The following MAML2 variants were observed in gnomAD, a reference collection of about 807,000 sequenced individuals.
The protein encoded by MAML2 is mastermind-like protein 2.
In MAML2, 22 loss-of-function variants were observed where a neutral mutation model predicts 96.1. The ratio of observed to expected loss-of-function variants is 0.23; its 90% confidence interval spans 0.16 to 0.33. The LOEUF (loss-of-function observed/expected upper bound fraction) is 0.33. Among genes scored for constraint, MAML2 ranks in the 10% least tolerant of loss-of-function variants. MAML2 has a pLI of 1.00. For synonymous variants in MAML2, 561 were observed against 521.3 expected, an observed-to-expected ratio of 1.08 and a Z score of -1.04; for missense variants, 1,367 against 1,392.4, an observed-to-expected ratio of 0.98 and a Z score of 0.29.
chr11:96,332,434 T>A (rs1171258340), intron 1 of MAML2, among the ~76,000 whole-genome samples: 5 of 152,214 alleles, frequency 3.3e-5, no homozygotes, highest in Non-Finnish European at 5.9e-5. Context: ...TCTGGGGGAC[T>A]GAGCCTGCAA....
At chr11:96,095,452 A>G (rs1294125221) in intron 1 of MAML2, among the ~76,000 whole-genome samples, 1 of 152,216 alleles carries the variant, frequency 6.6e-6, no homozygotes, top group Non-Finnish European at 1.5e-5. Context: ...TAATCAGAGA[A>G]AGGAACCTGA....
intron 1 of MAML2, among the ~76,000 whole-genome samples, chr11:96,212,145 GTGTGT>G (rs1591075479): frequency 7.4e-5 from 11 of 147,998 alleles, no homozygotes; most frequent in East Asian, 3.9e-4. Flanking sequence ...GTGTGTGTGT[GTGTGT>G]GGAAGGGGGA....
chr11:96,028,328 G>A lies in MAML2; in HGVS notation c.2140-36605C>T, dbSNP rs147974829. ...TTCTCTCTTATAAGCATTTTACCAC[G>A]TTTTCCTCATTTCTGCACCTGGCTA... On this transcript the variant is annotated intron_variant, in intron 2 of 4. Coordinates refer to ENST00000524717, the MANE Select transcript of MAML2 (RefSeq NM_032427.4). Among the ~76,000 whole-genome samples the A allele has an allele frequency of 6.4e-4, 98 of 152,192 alleles. No individual in the cohort carries two copies. The Middle Eastern group carries it at 0.031, about 48-fold the overall frequency.
At chr11:96,182,979 G>C (rs1003066965) in intron 1 of MAML2, among the ~76,000 whole-genome samples, 13 of 117,970 alleles carry the variant, frequency 1.1e-4, no homozygotes, top group African/African-American at 4.2e-4. Flanking sequence ...TTTTTTTTGA[G>C]ACAGAGTCTT....
intron 1 of MAML2, among the ~76,000 whole-genome samples, chr11:96,282,534 T>C (rs891069238): frequency 2.6e-5 from 4 of 152,234 alleles, no homozygotes; most frequent in African/African-American, 9.6e-5. Context: ...TTTTTAGTTT[T>C]ATCTTGAAGC....
chr11:96,084,592 C>T (rs1244626204), intron 2 of MAML2, among the ~76,000 whole-genome samples: 2 of 152,178 alleles, frequency 1.3e-5, no homozygotes, highest in African/African-American at 4.8e-5. Flanking sequence ...ACCCTTCCAC[C>T]TTTCAAGGCC....
At chr11:96,065,336 T>TAA (rs1021263749) in intron 2 of MAML2, among the ~76,000 whole-genome samples, 1 of 152,080 alleles carries the variant, frequency 6.6e-6, no homozygotes, top group African/African-American at 2.4e-5. Flanking sequence ...TATGTGATTT[T>TAA]AAAAAAATAT....
At chr11:96,082,576 G>A (rs1410901900) in intron 2 of MAML2, among the ~76,000 whole-genome samples, 1 of 152,152 alleles carries the variant, frequency 6.6e-6, no homozygotes, top group East Asian at 1.9e-4. Flanking sequence ...GACGCTGTGA[G>A]GTCGAGCCCC....
intron 1 of MAML2, among the ~76,000 whole-genome samples, chr11:96,203,074 T>C (rs1565247511): frequency 6.6e-6 from 1 of 152,206 alleles, no homozygotes; most frequent in Non-Finnish European, 1.5e-5. Flanking sequence ...AGCACAGCAA[T>C]TGCAAATGTA....
chr11:96,268,052 G>A (rs989999483), intron 1 of MAML2, among the ~76,000 whole-genome samples: 3 of 152,214 alleles, frequency 2.0e-5, no homozygotes, highest in Non-Finnish European at 4.4e-5. Context: ...CATACATTCA[G>A]AACCAGAAGG....
chr11:96,275,794 C>T (rs1862981060), intron 1 of MAML2, among the ~76,000 whole-genome samples: 1 of 152,140 alleles, frequency 6.6e-6, no homozygotes, highest in Non-Finnish European at 1.5e-5. Flanking sequence ...AAAGACTCTT[C>T]AGCTGGTCTC....
At chr11:96,129,342 G>A (rs1254202332) in intron 1 of MAML2, among the ~76,000 whole-genome samples, 1 of 152,120 alleles carries the variant, frequency 6.6e-6, no homozygotes, top group Non-Finnish European at 1.5e-5. Context: ...ACAGATTGCT[G>A]GGCTCTACCT....
chr11:96,123,898 C>T (rs1003401845), intron 1 of MAML2, among the ~76,000 whole-genome samples: 11 of 151,790 alleles, frequency 7.2e-5, no homozygotes, highest in African/African-American at 2.7e-4. Context: ...GGTGAAAACC[C>T]GTCTCTACTA....
chr11:96,326,763 A>AAAATAAATAAATAAAT (rs146947017), intron 1 of MAML2, among the ~76,000 whole-genome samples: 1,809 of 152,004 alleles, frequency 0.012, 39 homozygotes, highest in African/African-American at 0.041. Context: ...AAAGTCTGTC[A>AAAATAAATAAATAAAT]AAGTAAATAA....
intron 1 of MAML2, among the ~76,000 whole-genome samples, chr11:96,187,609 C>T (rs993822095): frequency 6.6e-6 from 1 of 151,964 alleles, no homozygotes; most frequent in African/African-American, 2.4e-5. Flanking sequence ...AAGATGGAGA[C>T]CATCTTGGCC....
At chr11:96,019,470 C>T in intron 2 of MAML2, among the ~76,000 whole-genome samples, 1 of 151,642 alleles carries the variant, frequency 6.6e-6, no homozygotes, top group East Asian at 1.9e-4. Flanking sequence ...TGAATGTGCT[C>T]CAAAAATCAC....
chr11:96,055,323 T>A (rs1208942255), intron 2 of MAML2, among the ~76,000 whole-genome samples: 1 of 152,184 alleles, frequency 6.6e-6, no homozygotes, highest in African/African-American at 2.4e-5. Flanking sequence ...TTTAAAAATC[T>A]ATTACTTTAA....
intron 2 of MAML2, among the ~76,000 whole-genome samples, chr11:96,084,707 C>T: frequency 6.6e-6 from 1 of 152,186 alleles, no homozygotes; most frequent in East Asian, 1.9e-4. Context: ...GGAGAAAGAA[C>T]TGGACAAAGA....
chr11:96,101,149 T>C (rs1191165107), intron 1 of MAML2, among the ~76,000 whole-genome samples: 4 of 152,188 alleles, frequency 2.6e-5, no homozygotes, highest in Admixed American at 6.5e-5. Flanking sequence ...CATACTGCCC[T>C]TCTGAAGGTA....
Sources: gnomAD v4.1 joint callset for allele counts (sites outside exome capture counted in the v4.1 genomes callset) on GRCh38, gnomAD v4.1.1 for gene constraint, MANE v1.5 for transcripts, NCBI Gene and HGNC (gene_info 2026-07-23, HGNC 2026-07-21) for gene names.